LRP1B: variants seen among roughly 807,000 people sequenced by gnomAD.
LRP1B encodes the protein LDL receptor related protein 1B.
In LRP1B, 217 loss-of-function variants were observed where a neutral mutation model predicts 556.6. The observed-to-expected ratio is 0.39, with a 90% CI of 0.35 to 0.44. LRP1B has a LOEUF of 0.44. Among genes scored for constraint, LRP1B ranks in the 20% least tolerant of loss-of-function variants. The probability of loss-of-function intolerance (pLI) is 1.00; values close to 1 mark genes in which losing one functional copy is unlikely to be tolerated. For missense variants in LRP1B, 5,053 were observed against 5,620.8 expected (o/e 0.90, Z 3.23); for synonymous variants, 2,047 against 1,865.8 (o/e 1.10, Z -2.50).
intron 1 of LRP1B, among the ~76,000 whole-genome samples, chr2:141,935,740 C>A (rs76797204): frequency 0.018 from 2,787 of 152,156 alleles, 45 homozygotes; most frequent in Middle Eastern, 0.037. Context: ...AAAGAAAAAC[C>A]ATAGAACAAA....
chr2:141,887,239 G>A (rs527275080), intron 1 of LRP1B, among the ~76,000 whole-genome samples: 2 of 151,950 alleles, frequency 1.3e-5, no homozygotes, highest in Non-Finnish European at 2.9e-5. Context: ...CAAATGATCC[G>A]CCAGCCTTGG....
chr2:141,178,460 C>T lies in LRP1B; in HGVS notation c.1013+9961G>A, dbSNP rs569855982. ...GACAGTGGATTCAGATATCTTTGAGCCTTTTGGTTCTTAGGTTGCTGTACA... is the reference window on the plus strand; with the variant it reads ...GACAGTGGATTCAGATATCTTTGAGTCTTTTGGTTCTTAGGTTGCTGTACA... On this transcript the variant is annotated intron_variant, in intron 7 of 90. Transcript: ENST00000389484. 4.7e-4 allele frequency among the ~76,000 whole-genome samples: 71 copies of T among 152,144 alleles called. 1 individual carries two copies. The highest frequency in any genetic ancestry group is 7.9e-4 in the Non-Finnish European group (54 of 67,986).
chr2:142,130,404 G>C (rs1327692839), intron 1 of LRP1B, among the ~76,000 whole-genome samples: 2 of 152,208 alleles, frequency 1.3e-5, no homozygotes, highest in Non-Finnish European at 2.9e-5. Flanking sequence ...TCCCGGAGGG[G>C]ACAAAATGGG....
chr2:141,180,732 C>T (rs1178718932), intron 7 of LRP1B, among the ~76,000 whole-genome samples: 1 of 151,870 alleles, frequency 6.6e-6, no homozygotes, highest in Admixed American at 6.6e-5. Context: ...AACAAAAACC[C>T]TATCATTTTT....
At chr2:140,729,959 T>C (rs985829518) in intron 35 of LRP1B, among the ~76,000 whole-genome samples, 4 of 152,198 alleles carry the variant, frequency 2.6e-5, no homozygotes, top group African/African-American at 9.6e-5. Context: ...TCTCATTTAC[T>C]TGTGCTTGCT....
At chr2:141,083,662 G>T (rs1345358923) in intron 7 of LRP1B, among the ~76,000 whole-genome samples, 2 of 152,138 alleles carry the variant, frequency 1.3e-5, no homozygotes, top group Non-Finnish European at 2.9e-5. Context: ...ATGGATTAAC[G>T]GATTAATAGG....
chr2:142,106,029 C>T (rs1212627071), intron 1 of LRP1B, among the ~76,000 whole-genome samples: 1 of 152,166 alleles, frequency 6.6e-6, no homozygotes, highest in Non-Finnish European at 1.5e-5. Flanking sequence ...GGTACACATA[C>T]TCCCTGCTCT....
At chr2:140,652,910 G>A (rs1292597546) in intron 41 of LRP1B, among the ~76,000 whole-genome samples, 1 of 151,942 alleles carries the variant, frequency 6.6e-6, no homozygotes, top group African/African-American at 2.4e-5. Context: ...TGATGTAAGT[G>A]TCAAAAGCTA....
At chr2:142,075,043 G>T (rs537467639) in intron 1 of LRP1B, among the ~76,000 whole-genome samples, 1 of 152,004 alleles carries the variant, frequency 6.6e-6, no homozygotes, top group Non-Finnish European at 1.5e-5. Context: ...GCTTAAATTG[G>T]AGATTATATT....
chr2:140,743,595 T>C (rs2104872887), intron 35 of LRP1B, among the ~76,000 whole-genome samples: 1 of 152,254 alleles, frequency 6.6e-6, no homozygotes, highest in South Asian at 2.1e-4. Context: ...TTAATAAACT[T>C]AAAGCACTTT....
chr2:141,221,915 T>G (rs1016346856), intron 6 of LRP1B, among the ~76,000 whole-genome samples: 1 of 152,092 alleles, frequency 6.6e-6, no homozygotes, highest in Non-Finnish European at 1.5e-5. Flanking sequence ...ATCTCTGGGA[T>G]GCAGCTAAAG....
At chr2:141,486,173 A>G (rs545690263) in intron 2 of LRP1B, among the ~76,000 whole-genome samples, 11 of 152,300 alleles carry the variant, frequency 7.2e-5, no homozygotes. Context: ...TAATAACTTA[A>G]AAAGAAAAAC....
chr2:141,345,649 C>A (rs1559019912), intron 3 of LRP1B, among the ~76,000 whole-genome samples: 1 of 141,928 alleles, frequency 7.0e-6, no homozygotes, highest in African/African-American at 2.6e-5. Flanking sequence ...GCCACCATAC[C>A]TGGCTAATTT....
chr2:141,282,062 G>A (rs1253241819), intron 3 of LRP1B, among the ~76,000 whole-genome samples: 3 of 151,956 alleles, frequency 2.0e-5, no homozygotes, highest in Non-Finnish European at 2.9e-5. Flanking sequence ...TCTAAAGTAT[G>A]TCATAGTGCC....
At chr2:141,725,337 T>G (rs2105507067) in intron 2 of LRP1B, among the ~76,000 whole-genome samples, 1 of 152,000 alleles carries the variant, frequency 6.6e-6, no homozygotes, top group South Asian at 2.1e-4. Flanking sequence ...TCTTGTGAAT[T>G]TCCAGGTCAT....
In LRP1B at chr2:140,323,896, C is replaced by G. The variant is rs1367688328; in HGVS notation, c.12511G>C (p.Asp4171His). The change falls in exon 81 of 91, where the codon GAT (aspartate) becomes CAT (histidine). Residue 4171 changes from aspartate (D) to histidine (H), a missense_variant. Transcript: ENST00000389484. ...CTTCATAATATATTATACTTACAAT[C>G]TAGTTGTTTATAACGATGAGATATC... ...VLISHRYKQL[D>H]LPNPCLDLAC... 7.0e-7 allele frequency: 1 copy of G among 1,426,888 alleles called. No homozygotes were observed. The highest frequency in any genetic ancestry group is 1.2e-5 in the South Asian group (1 of 85,076). The allele number at this position is 1,426,888 out of a possible 1,614,324, so 88.4% of individuals were successfully genotyped here. A position where few individuals can be genotyped will look rare whatever the true frequency, so the allele number is the denominator to read the frequency against.
At chr2:140,873,710 A>G (rs573337513) in intron 25 of LRP1B, among the ~76,000 whole-genome samples, 1 of 152,076 alleles carries the variant, frequency 6.6e-6, no homozygotes, top group South Asian at 2.1e-4. Flanking sequence ...AAACAAACTC[A>G]TCATAATTTA....
At chr2:140,802,735 T>G (rs537352864) in intron 32 of LRP1B, among the ~76,000 whole-genome samples, 1 of 152,346 alleles carries the variant, frequency 6.6e-6, no homozygotes, top group Non-Finnish European at 1.5e-5. Context: ...TTATTTCTCA[T>G]TTTATTACAG....
chr2:141,894,129 T>C (rs1699367411), intron 1 of LRP1B, among the ~76,000 whole-genome samples: 1 of 152,156 alleles, frequency 6.6e-6, no homozygotes, highest in Admixed American at 6.5e-5. Flanking sequence ...TTATGTTGGC[T>C]GTAACTCAGA....
Sources: gnomAD v4.1 joint callset for allele counts (sites outside exome capture counted in the v4.1 genomes callset) on GRCh38, gnomAD v4.1.1 for gene constraint, MANE v1.5 for transcripts, NCBI Gene and HGNC (gene_info 2026-07-23, HGNC 2026-07-21) for gene names.